Variants in PCCB observed in about 807,000 individuals in gnomAD.
PCCB encodes propionyl-CoA carboxylase subunit beta, also known as propionyl-CoA carboxylase beta chain, mitochondrial.
In PCCB, 43 loss-of-function variants were observed where a neutral mutation model predicts 60.7. That is an observed-to-expected ratio of 0.71 (90% CI 0.55 to 0.91). PCCB has a LOEUF of 0.91. PCCB is among the 40% of genes least tolerant of loss of function. PCCB has a pLI of 0.00. For missense variants in PCCB, 766 were observed against 702.8 expected (o/e 1.09, Z -1.02); for synonymous variants, 276 against 255.9 (o/e 1.08, Z -0.75).
chr3:136,288,287 TTTTTC>T (rs1933514549), intron 6 of PCCB, among the ~76,000 whole-genome samples: 1 of 152,196 alleles, frequency 6.6e-6, no homozygotes, highest in African/African-American at 2.4e-5. Flanking sequence ...ATTGATACTG[TTTTTC>T]TTTTAATTTT....
intron 10 of PCCB, among the ~76,000 whole-genome samples, chr3:136,320,239 G>A (rs1283082976): frequency 1.3e-5 from 2 of 152,190 alleles, no homozygotes; most frequent in Non-Finnish European, 2.9e-5. Context: ...AAAAAAGGCT[G>A]TTGGAATTTT....
Position 136,301,022 on chromosome 3 carries a change from G to A in PCCB, c.885-8G>A. On this transcript the variant is annotated splice_polypyrimidine_tract_variant and splice_region_variant and intron_variant, in intron 8 of 14. Transcript: ENST00000251654. ...TGTTGACTATACCTGCCTTTTTTCT[G>A]CCTAAAGTGACCGTCTGGTTCCTGA... 6.2e-7 allele frequency: 1 copy of A among 1,613,130 alleles called. No individual in the cohort carries two copies. The highest frequency in any genetic ancestry group is 8.5e-7 in the Non-Finnish European group (1 of 1,179,206).
chr3:136,254,606 C>T (rs191874547), intron 1 of PCCB, among the ~76,000 whole-genome samples: 226 of 143,202 alleles, frequency 1.6e-3, no homozygotes, highest in Non-Finnish European at 2.7e-3. Flanking sequence ...GATCACAGCT[C>T]ACCACAACCT....
intron 10 of PCCB, 101 bp from the exon 11 acceptor site, chr3:136,326,702 C>T (rs1051451607): frequency 1.2e-6 from 1 of 863,948 alleles, no homozygotes; most frequent in Non-Finnish European, 2.0e-6. Flanking sequence ...TTGGTGCCTC[C>T]ACAGAAACCA....
intron 8 of PCCB, among the ~76,000 whole-genome samples, chr3:136,299,785 T>C (rs569300009): frequency 1.3e-5 from 2 of 151,634 alleles, no homozygotes; most frequent in East Asian, 1.9e-4. Flanking sequence ...CATGTGTATG[T>C]ATGTATATGC....
chr3:136,250,587 C>T (rs773661426), intron 1 of PCCB, 29 bp downstream of exon 1: 1 of 1,587,894 alleles, frequency 6.3e-7, no homozygotes, highest in Middle Eastern at 1.8e-4. Context: ...AAGTGAGTCC[C>T]GCCCCTGGCG....
chr3:136,274,881 C>G lies in PCCB; in HGVS notation c.544-8956C>G, dbSNP rs1388226752. ...TTACTCTGTTGCCCAGGCTGTAGTACAGTGTTGTGACCTTTGTCTCCTGGG... is the reference window on the plus strand; with the variant it reads ...TTACTCTGTTGCCCAGGCTGTAGTAGAGTGTTGTGACCTTTGTCTCCTGGG... On this transcript the variant is annotated intron_variant, in intron 5 of 14. Coordinates refer to ENST00000251654, the MANE Select transcript of PCCB (RefSeq NM_000532.5). Among the ~76,000 whole-genome samples the G allele has an allele frequency of 2.0e-5, 3 of 151,114 alleles. No individual in the cohort carries two copies. The East Asian group carries it at 5.8e-4, about 29-fold the overall frequency.
intron 1 of PCCB, among the ~76,000 whole-genome samples, chr3:136,251,472 A>C (rs1363702191): frequency 1.3e-5 from 2 of 152,226 alleles, no homozygotes; most frequent in Non-Finnish European, 2.9e-5. Flanking sequence ...ATGGGGTCTT[A>C]AAGTGAGGAG....
chr3:136,255,066 G>A (rs551941873), intron 1 of PCCB, among the ~76,000 whole-genome samples: 1 of 151,890 alleles, frequency 6.6e-6, no homozygotes, highest in South Asian at 2.1e-4. Flanking sequence ...AATAGAGATG[G>A]GGTTTCTCCA....
chr3:136,313,654 A>T (rs913870586), intron 9 of PCCB, among the ~76,000 whole-genome samples: 2 of 152,216 alleles, frequency 1.3e-5, no homozygotes, highest in African/African-American at 2.4e-5. Flanking sequence ...AAAAAATAAA[A>T]TCAAGACTGG....
At chr3:136,300,697 T>A (rs1934235466) in intron 8 of PCCB, among the ~76,000 whole-genome samples, 1 of 152,246 alleles carries the variant, frequency 6.6e-6, no homozygotes, top group African/African-American at 2.4e-5. Flanking sequence ...GGCTGTGTCT[T>A]GTTCACTATA....
At chr3:136,264,448 G>GTATATATATATATATATA (rs71157366) in intron 5 of PCCB, among the ~76,000 whole-genome samples, 1 of 107,224 alleles carries the variant, frequency 9.3e-6, no homozygotes, top group African/African-American at 3.0e-5. Context: ...GTGTATATAT[G>GTATATATATATATATATA]TATATATATA....
intron 9 of PCCB, among the ~76,000 whole-genome samples, chr3:136,311,906 A>G (rs1397708392): frequency 6.6e-6 from 1 of 152,240 alleles, no homozygotes; most frequent in African/African-American, 2.4e-5. Flanking sequence ...AATTTAAGGC[A>G]ATCCCAATAA....
rs1045005108 is a variant in PCCB at position 136,303,138 on chromosome 3, T to C, written c.966+2027T>C. On this transcript the variant is annotated intron_variant, in intron 9 of 14. Transcript: ENST00000251654. Reference sequence around the variant, plus strand: ...CCAGTTATTTTACATGTCATTTCTTTCCTTGTCTTGCATTGGCTACAACTC... The same window carrying C: ...CCAGTTATTTTACATGTCATTTCTTCCCTTGTCTTGCATTGGCTACAACTC... 3.3e-5 allele frequency among the ~76,000 whole-genome samples: 4 copies of C among 122,956 alleles called. 1 individual carries two copies. Among genetic ancestry groups the C allele is most frequent in the African/African-American group, 5.0e-5 (2 of 40,216 alleles). 80.7% of individuals were successfully genotyped at this position (122,956 alleles called of 152,430 possible).
At chr3:136,252,504 C>T (rs1941545254) in intron 1 of PCCB, 2 of 335,928 alleles carry the variant, frequency 6.0e-6, no homozygotes, top group East Asian at 9.4e-5. Flanking sequence ...GCGTCTGCCT[C>T]CCAAAGTGCT....
At chr3:136,260,333 C>G (rs535944583) in intron 3 of PCCB, 146 bp from the exon 4 acceptor site, 1 of 724,478 alleles carries the variant, frequency 1.4e-6, no homozygotes, top group East Asian at 2.7e-5. Flanking sequence ...CTGCCTTGGC[C>G]TCCCAAAGTG....
chr3:136,281,525 G>GT (rs1435965064), intron 5 of PCCB, among the ~76,000 whole-genome samples: 3 of 151,894 alleles, frequency 2.0e-5, no homozygotes, highest in Admixed American at 6.6e-5. Context: ...ATTTCCTGTA[G>GT]TTTTTTCCCC....
At chr3:136,319,386 AT>A (rs796339351) in intron 10 of PCCB, among the ~76,000 whole-genome samples, 255 of 138,188 alleles carry the variant, frequency 1.8e-3, no homozygotes, top group South Asian at 2.1e-3. Context: ...TTGATACACA[AT>A]TTTTTTTTTT....
At chr3:136,268,777 A>G (rs560713080) in intron 5 of PCCB, among the ~76,000 whole-genome samples, 1 of 151,990 alleles carries the variant, frequency 6.6e-6, no homozygotes, top group South Asian at 2.1e-4. Flanking sequence ...TCAGCTCTTA[A>G]CTCTACAAAA....
Sources: gnomAD v4.1 joint callset for allele counts (sites outside exome capture counted in the v4.1 genomes callset) on GRCh38, gnomAD v4.1.1 for gene constraint, MANE v1.5 for transcripts, NCBI Gene and HGNC (gene_info 2026-07-23, HGNC 2026-07-21) for gene names.